Variants in MRPL1 observed in about 807,000 individuals in gnomAD.
The protein encoded by MRPL1 is mitochondrial ribosomal protein L1, also known as large ribosomal subunit protein uL1m.
Under a neutral mutation model 38.0 loss-of-function variants are expected in MRPL1, and 28 were observed. That is an observed-to-expected ratio of 0.74 (90% CI 0.55 to 1.01). The LOEUF (loss-of-function observed/expected upper bound fraction) is 1.01. Among genes scored for constraint, MRPL1 ranks in the 50% least tolerant of loss-of-function variants. The pLI is 0.00. For synonymous variants in MRPL1, 123 were observed against 126.7 expected (o/e 0.97, Z 0.20); for missense variants, 358 against 389.8 (o/e 0.92, Z 0.69).
intron 2 of MRPL1, among the ~76,000 whole-genome samples, chr4:77,878,437 T>C (rs1248326193): frequency 6.6e-6 from 1 of 152,206 alleles, no homozygotes; most frequent in African/African-American, 2.4e-5. Context: ...TTAGTTCGTT[T>C]TAGTTTTACA....
At chr4:77,941,545 A>G (rs1203253389) in intron 7 of MRPL1, among the ~76,000 whole-genome samples, 1 of 152,082 alleles carries the variant, frequency 6.6e-6, no homozygotes, top group Non-Finnish European at 1.5e-5. Context: ...TAACCATTTC[A>G]ACCTCACTGC....
Position 77,887,231 on chromosome 4 carries a change from G to A in MRPL1, c.498G>A (p.Glu166=), listed in dbSNP as rs191548297. 2 of 1,613,280 alleles carry A rather than the reference G, an allele frequency of 1.2e-6. No individual in the cohort carries two copies. The highest frequency in any genetic ancestry group is 3.3e-5 in the Admixed American group (2 of 60,012). The change falls in exon 5 of 9, where the codon GAG becomes GAA. Residue 166 remains glutamate (E), a synonymous_variant. Transcript: ENST00000315567. ...KVAVFTENAS[E]VKIAEENGAA... ...TTGTGTTTTGGTAGAATGCATCAGA[G>A]GTCAAAATAGCGGAAGAAAATGGAG... is the stretch of plus-strand genomic sequence containing the variant.
Position 77,884,156 on chromosome 4 carries a change from G to A in MRPL1, c.402+656G>A, listed in dbSNP as rs56951136. Among the ~76,000 whole-genome samples the A allele has an allele frequency of 5.3e-3, 809 of 151,458 alleles. 7 individuals are homozygous for A. The highest frequency in any genetic ancestry group is 0.018 in the African/African-American group (760 of 41,238). ...GCATGTTTCTTCTCTGTAAATGAGG[G>A]CTCTGGATTAGCTCAGTGTCCTTCA... On this transcript the variant is annotated intron_variant, in intron 3 of 8. Transcript: ENST00000315567.
At chr4:77,932,289 C>T (rs181814313) in intron 7 of MRPL1, among the ~76,000 whole-genome samples, 144 of 152,206 alleles carry the variant, frequency 9.5e-4, no homozygotes, top group African/African-American at 3.0e-3. Flanking sequence ...GAGACTTAGC[C>T]AGGGCCTCCT....
chr4:77,943,962 T>C (rs2110266489), intron 7 of MRPL1, among the ~76,000 whole-genome samples: 1 of 152,286 alleles, frequency 6.6e-6, no homozygotes, highest in South Asian at 2.1e-4. Flanking sequence ...TTAAGAACTT[T>C]GGTTTTGTTA....
At chr4:77,883,113 C>A in intron 2 of MRPL1, 129 bp from the exon 3 acceptor site, 5 of 594,742 alleles carry the variant, frequency 8.4e-6, no homozygotes, top group East Asian at 3.1e-5. Context: ...AACTGTAAAG[C>A]AGTCTATGCT....
intron 7 of MRPL1, 104 bp downstream of exon 7, chr4:77,909,476 T>G (rs772334021): frequency 5.7e-6 from 4 of 700,678 alleles, no homozygotes; most frequent in Non-Finnish European, 9.6e-6. Flanking sequence ...AACTTGTTTT[T>G]GGCACTAGCA....
intron 6 of MRPL1, among the ~76,000 whole-genome samples, chr4:77,898,307 G>A (rs894227183): frequency 1.3e-5 from 2 of 151,874 alleles, no homozygotes; most frequent in African/African-American, 4.8e-5. Flanking sequence ...TCTCATTAGA[G>A]CAAAGATGGT....
At chr4:77,938,815 T>C (rs1231244271) in intron 7 of MRPL1, among the ~76,000 whole-genome samples, 1 of 152,178 alleles carries the variant, frequency 6.6e-6, no homozygotes, top group Non-Finnish European at 1.5e-5. Context: ...AACCCAGTCC[T>C]CCTCACTTGT....
In MRPL1 at chr4:77,868,098, T is replaced by C. The variant is rs112982941; in HGVS notation, c.32-3646T>C. Among the ~76,000 whole-genome samples, 89 of 152,076 alleles carry C rather than the reference T, an allele frequency of 5.9e-4. 1 individual carries two copies. Among genetic ancestry groups the C allele is most frequent in the African/African-American group, 2.0e-3 (84 of 41,498 alleles). ...TTCCTTTTGAGATGGAGTCTCACTC[T>C]GTTGCCTAGGCTGGAGTGCAGTGGC... is the stretch of plus-strand genomic sequence containing the variant. On this transcript the variant is annotated intron_variant, in intron 1 of 8. Coordinates refer to ENST00000315567, the MANE Select transcript of MRPL1 (RefSeq NM_020236.4).
In MRPL1 at chr4:77,913,396, A is replaced by G. The variant is rs576485134; in HGVS notation, c.777+4024A>G. On this transcript the variant is annotated intron_variant, in intron 7 of 8. Transcript: ENST00000315567. ...ATATAGATGACAAACACATGGAAAG[A>G]TGCTCAGCATCTTTAATCTTTAGGA... is the stretch of plus-strand genomic sequence containing the variant. Among the ~76,000 whole-genome samples, 291 of 152,336 alleles carry G rather than the reference A, an allele frequency of 1.9e-3. 1 individual carries two copies. Among genetic ancestry groups the G allele is most frequent in the Non-Finnish European group, 9.7e-4 (66 of 68,008 alleles).
chr4:77,949,361 A>G (rs1197266696), intron 7 of MRPL1, among the ~76,000 whole-genome samples: 1 of 152,238 alleles, frequency 6.6e-6, no homozygotes, highest in Non-Finnish European at 1.5e-5. Context: ...TGAGATATGT[A>G]TTATCTGAAT....
At chr4:77,891,318 T>C (rs115787442) in intron 5 of MRPL1, among the ~76,000 whole-genome samples, 5,420 of 151,610 alleles carry the variant, frequency 0.036, 157 homozygotes, top group Middle Eastern at 0.061. Flanking sequence ...TGTAGAACTG[T>C]CATAGCCACT....
At chr4:77,899,024 C>CT (rs1156516523) in intron 6 of MRPL1, among the ~76,000 whole-genome samples, 1 of 133,886 alleles carries the variant, frequency 7.5e-6, no homozygotes, top group African/African-American at 2.9e-5. Context: ...GACAGAGTCT[C>CT]GTTCTGTCAC....
At chr4:77,878,955 G>A (rs182865041) in intron 2 of MRPL1, among the ~76,000 whole-genome samples, 160 of 152,276 alleles carry the variant, frequency 1.1e-3, no homozygotes, top group Middle Eastern at 0.01. Context: ...GATGAGACAG[G>A]GGAAAAGTTA....
intron 7 of MRPL1, among the ~76,000 whole-genome samples, chr4:77,919,719 T>A (rs1286666145): frequency 1.3e-5 from 2 of 152,114 alleles, no homozygotes; most frequent in African/African-American, 4.8e-5. Flanking sequence ...TTTGCTTTTT[T>A]TAGCCTTTCA....
intron 6 of MRPL1, among the ~76,000 whole-genome samples, chr4:77,900,412 A>G (rs188226958): frequency 7.6e-4 from 116 of 152,348 alleles, no homozygotes; most frequent in African/African-American, 2.4e-3. Context: ...TAGAAAATGT[A>G]CAAAGTATTG....
Position 77,885,202 on chromosome 4 carries a change from G to A in MRPL1, c.403-54G>A, listed in dbSNP as rs890663093. 54 of 1,308,092 alleles carry A rather than the reference G, an allele frequency of 4.1e-5. No homozygotes were observed. The East Asian group carries it at 1.2e-3, about 29-fold the overall frequency. The allele number at this position is 1,308,092 out of a possible 1,614,324, so 81.0% of individuals were successfully genotyped here. On this transcript the variant is annotated intron_variant, in intron 3 of 8. Coordinates refer to ENST00000315567, the MANE Select transcript of MRPL1 (RefSeq NM_020236.4). ...TCCGTTCTTGTTTTATATAGAGTGT[G>A]TGAAATAGAAAAGATTAACTTTACG...
In MRPL1 at chr4:77,905,316, G is replaced by A. The variant is rs1213198030; in HGVS notation, c.671-3950G>A. ...GTTCGAGACCAGCCTGGCCAACCTG[G>A]TGAAACCCTGTTTCTACTAAAAATA... On this transcript the variant is annotated intron_variant, in intron 6 of 8. Transcript: ENST00000315567. 5.3e-5 allele frequency among the ~76,000 whole-genome samples: 8 copies of A among 151,980 alleles called. No homozygotes were observed. In the East Asian group the frequency reaches 1.4e-3, roughly 26 times the overall value.
Sources: gnomAD v4.1 joint callset for allele counts (sites outside exome capture counted in the v4.1 genomes callset) on GRCh38, gnomAD v4.1.1 for gene constraint, MANE v1.5 for transcripts, NCBI Gene and HGNC (gene_info 2026-07-23, HGNC 2026-07-21) for gene names.